ADCY1: variants seen among roughly 807,000 people sequenced by gnomAD.
The protein encoded by ADCY1 is adenylate cyclase type 1.
Under a neutral mutation model 105.4 loss-of-function variants are expected in ADCY1, and 28 were observed. That is an observed-to-expected ratio of 0.27 (90% CI 0.20 to 0.36). The LOEUF (loss-of-function observed/expected upper bound fraction) is 0.36. ADCY1 is among the 10% of genes least tolerant of loss of function. The pLI is 1.00. For missense variants in ADCY1, 977 were observed against 1,434.2 expected (o/e 0.68, Z 5.15); for synonymous variants, 655 against 623.8 (o/e 1.05, Z -0.75).
At chr7:45,690,439 C>T (rs1008944572) in intron 14 of ADCY1, among the ~76,000 whole-genome samples, 6 of 152,172 alleles carry the variant, frequency 3.9e-5, no homozygotes, top group Admixed American at 6.5e-5. Context: ...CACCTTCAGC[C>T]GGGAGACGCA....
Position 45,605,788 on chromosome 7 carries a change from T to C in ADCY1, c.790-4591T>C, listed in dbSNP as rs533040997. Among the ~76,000 whole-genome samples, 119 of 152,330 alleles carry C rather than the reference T, an allele frequency of 7.8e-4. No homozygotes were observed. In the Middle Eastern group the frequency reaches 0.01, roughly 13 times the overall value. ...TATGATGGTTGCTTTACAGTCTTTG[T>C]TGGTTATTCTGGCATCTCTGTCTTG... On this transcript the variant is annotated intron_variant, in intron 2 of 19. Transcript: ENST00000297323.
intron 4 of ADCY1, among the ~76,000 whole-genome samples, chr7:45,630,727 G>T (rs1254091927): frequency 5.3e-5 from 8 of 152,038 alleles, no homozygotes. Context: ...AAGGATACAG[G>T]TCATTGTATT....
At chr7:45,641,723 G>A (rs1051492575) in intron 4 of ADCY1, among the ~76,000 whole-genome samples, 3 of 149,422 alleles carry the variant, frequency 2.0e-5, no homozygotes, top group African/African-American at 4.9e-5. Context: ...TCAGGAGATC[G>A]AGACCATCCT....
At chr7:45,592,997 C>G in intron 2 of ADCY1, 89 bp downstream of exon 2, 1 of 1,536,982 alleles carries the variant, frequency 6.5e-7, no homozygotes, top group Non-Finnish European at 8.8e-7. Flanking sequence ...CAGTTTACCC[C>G]GTGGTGACAT....
chr7:45,707,385 T>C (rs180851402), intron 17 of ADCY1, among the ~76,000 whole-genome samples: 1 of 152,260 alleles, frequency 6.6e-6, no homozygotes. Flanking sequence ...TGAAAAGACA[T>C]GGAGAAGCCT....
Position 45,713,948 on chromosome 7 carries a change from T to G in ADCY1, c.3313T>G (p.Ser1105Ala), listed in dbSNP as rs1405561265. 1.3e-6 allele frequency: 1 copy of G among 780,214 alleles called. No individual in the cohort carries two copies. The highest frequency in any genetic ancestry group is 2.4e-6 in the Non-Finnish European group (1 of 418,026). The allele number at this position is 780,214 out of a possible 1,614,324, so 48.3% of individuals were successfully genotyped here. The change falls in exon 20 of 20, where the codon TCC (serine) becomes GCC (alanine). Residue 1105 changes from serine (S) to alanine (A), a missense_variant. Coordinates refer to ENST00000297323, the MANE Select transcript of ADCY1 (RefSeq NM_021116.4). The stretch of plus-strand genomic sequence containing the variant: ...AGTCAGGGCTGGGCTCCCTCCACAC[T>G]CCCCAGGCCAGTACCTGCCCTCTGC... ...VSVRAGLPPH[S>A]PGQYLPSAAA...
chr7:45,679,212 G>A (rs1204664144), intron 10 of ADCY1, among the ~76,000 whole-genome samples: 1 of 152,178 alleles, frequency 6.6e-6, no homozygotes, highest in African/African-American at 2.4e-5. Context: ...CCCCACACCT[G>A]CGGAGGAGGA....
At chr7:45,639,407 G>A (rs951143191) in intron 4 of ADCY1, among the ~76,000 whole-genome samples, 6 of 152,206 alleles carry the variant, frequency 3.9e-5, no homozygotes, top group Non-Finnish European at 8.8e-5. Flanking sequence ...CTGGATGTCA[G>A]TTTTCTTAAC....
Position 45,662,127 on chromosome 7 carries a change from C to T in ADCY1, c.1518C>T (p.Tyr506=), listed in dbSNP as rs760415381. The T allele has an allele frequency of 1.2e-5, 19 of 1,614,176 alleles. No homozygotes were observed. The South Asian group carries it at 1.8e-4, about 15-fold the overall frequency. ...GGATGAAGTTCAAGACTGTCTGCTA[C>T]CTGCTGGTGCAGCTCATGCACTGCC... The part of the protein sequence containing the change: ...AKRMKFKTVC[Y]LLVQLMHCRK... Residue 506 remains tyrosine (Y), a synonymous_variant, in exon 8 of 20, where the codon TAC becomes TAT. Transcript: ENST00000297323.
At chr7:45,596,156 C>T (rs1434066642) in intron 2 of ADCY1, among the ~76,000 whole-genome samples, 1 of 152,276 alleles carries the variant, frequency 6.6e-6, no homozygotes, top group Non-Finnish European at 1.5e-5. Flanking sequence ...GCATGAAACG[C>T]CAGTCTCCTG....
At chr7:45,638,481 C>CTTTTTTTTT (rs34719678) in intron 4 of ADCY1, among the ~76,000 whole-genome samples, 1 of 132,722 alleles carries the variant, frequency 7.5e-6, no homozygotes. Flanking sequence ...CAGTTTGCTC[C>CTTTTTTTTT]TTTTTTTTTT....
chr7:45,632,949 G>T (rs2115979654), intron 4 of ADCY1, among the ~76,000 whole-genome samples: 1 of 152,126 alleles, frequency 6.6e-6, no homozygotes. Context: ...ACGGAGTCTT[G>T]CTCTGTTGCT....
At chr7:45,681,779 G>A (rs1379279266) in intron 11 of ADCY1, among the ~76,000 whole-genome samples, 1 of 152,240 alleles carries the variant, frequency 6.6e-6, no homozygotes, top group African/African-American at 2.4e-5. Context: ...AAGCCAGCAG[G>A]GGATAGGTCA....
chr7:45,578,216 C>G (rs773874157), intron 1 of ADCY1, among the ~76,000 whole-genome samples: 2 of 152,126 alleles, frequency 1.3e-5, no homozygotes, highest in African/African-American at 4.8e-5. Context: ...CTTAGCTCCT[C>G]CCCCGGAGAA....
At position 45,575,872 on chromosome 7, in the gene ADCY1, G is replaced by T. The variant is rs1271792742; in HGVS notation, c.639+690G>T. Among the ~76,000 whole-genome samples the T allele has an allele frequency of 1.3e-5, 2 of 152,258 alleles. No homozygotes were observed. Among genetic ancestry groups the T allele is most frequent in the Admixed American group, 1.3e-4 (2 of 15,292 alleles). On this transcript the variant is annotated intron_variant, in intron 1 of 19. Transcript: ENST00000297323. This position sits in a 1 kb window ranked among gnomAD's most constrained non-coding sequence, Gnocchi z 4.7. ...TCTTCCCAGTCGGGCGGGCGAGATGGTTGCAAGGACGGGGACGCTGTCTGC... is the reference window on the plus strand; with the variant it reads ...TCTTCCCAGTCGGGCGGGCGAGATGTTTGCAAGGACGGGGACGCTGTCTGC...
At chr7:45,684,876 G>C in intron 11 of ADCY1, 103 bp from the exon 12 acceptor site, 1 of 1,005,540 alleles carries the variant, frequency 9.9e-7, no homozygotes, top group South Asian at 1.4e-5. Context: ...GGACCTAGCA[G>C]CTTGCAGGTC....
At position 45,716,533 on chromosome 7, in the gene ADCY1, C is replaced by T. The variant is rs1785361611; in HGVS notation, c.*2538C>T. 6.5e-6 allele frequency: 1 copy of T among 153,016 alleles called. No homozygotes were observed. Among genetic ancestry groups the T allele is most frequent in the Non-Finnish European group, 1.5e-5 (1 of 68,736 alleles). The allele number at this position is 153,016 out of a possible 1,614,324, so 9.5% of individuals were successfully genotyped here. ...GTGGTGAGTGTGGCTGCCCTGGCTC[C>T]CCCAGCTCACCGTGGTGCTGTCCTT... On this transcript the variant is annotated 3_prime_UTR_variant, in exon 20 of 20. Transcript: ENST00000297323.
At chr7:45,672,682 A>G (rs914132268) in intron 8 of ADCY1, among the ~76,000 whole-genome samples, 5 of 151,996 alleles carry the variant, frequency 3.3e-5, no homozygotes, top group Non-Finnish European at 5.9e-5. Context: ...GGAACTCACT[A>G]ATTTGTTCTA....
intron 2 of ADCY1, among the ~76,000 whole-genome samples, chr7:45,596,968 T>A (rs1178414920): frequency 6.6e-6 from 1 of 152,132 alleles, no homozygotes; most frequent in African/African-American, 2.4e-5. Flanking sequence ...GGGGGATGAA[T>A]GCATAACTCA....
Sources: allele counts gnomAD v4.1 joint callset (sites outside exome capture counted in the v4.1 genomes callset), GRCh38; gene constraint gnomAD v4.1.1; non-coding constraint Gnocchi (gnomAD v3.1); transcripts MANE v1.5; gene names NCBI Gene and HGNC (gene_info 2026-07-23, HGNC 2026-07-21).